Variants in ARHGAP44 observed in about 807,000 individuals in gnomAD.
ARHGAP44 encodes rho GTPase-activating protein 44.
ARHGAP44 carries 43 observed loss-of-function variants against 106.8 expected under a neutral mutation model. The ratio of observed to expected loss-of-function variants is 0.40; its 90% CI spans 0.32 to 0.52. ARHGAP44 has a LOEUF of 0.52. ARHGAP44 is among the 20% of genes least tolerant of loss of function. The probability of loss-of-function intolerance (pLI) is 0.48; values close to 1 mark genes in which losing one functional copy is unlikely to be tolerated. For missense variants in ARHGAP44, 866 were observed against 1,050.5 expected, an observed-to-expected ratio of 0.82 and a Z score of 2.43; for synonymous variants, 439 against 410.3, an observed-to-expected ratio of 1.07 and a Z score of -0.85.
At chr17:12,971,817 C>A (rs574090420) in intron 16 of ARHGAP44, among the ~76,000 whole-genome samples, 1 of 152,116 alleles carries the variant, frequency 6.6e-6, no homozygotes, top group Non-Finnish European at 1.5e-5. Context: ...ATGAGAAATA[C>A]CAGCAATCGT....
At chr17:12,919,866 A>T (rs2038023654) in intron 6 of ARHGAP44, 35 bp downstream of exon 6, 1 of 1,572,326 alleles carries the variant, frequency 6.4e-7, no homozygotes, top group Admixed American at 1.8e-5. Flanking sequence ...TGCTTCTTTG[A>T]AGGGACAGTG....
intron 1 of ARHGAP44, among the ~76,000 whole-genome samples, chr17:12,814,234 TG>T (rs1209526410): frequency 3.6e-5 from 5 of 138,176 alleles, no homozygotes. Context: ...CCCAAACTGG[TG>T]TTTTTTTTTT....
chr17:12,918,721 A>G (rs3785722), intron 5 of ARHGAP44, among the ~76,000 whole-genome samples: 68,259 of 151,916 alleles, frequency 0.45, 17,431 homozygotes, highest in Non-Finnish European at 0.57. Flanking sequence ...TCAGCTGTCC[A>G]TTTTGCCTCA....
intron 1 of ARHGAP44, among the ~76,000 whole-genome samples, chr17:12,891,321 T>A (rs1400423982): frequency 6.6e-6 from 1 of 152,236 alleles, no homozygotes; most frequent in Non-Finnish European, 1.5e-5. Context: ...TACTATGGTC[T>A]CTAATTTATA....
chr17:12,845,604 T>C (rs1046877153), intron 1 of ARHGAP44, among the ~76,000 whole-genome samples: 1 of 152,172 alleles, frequency 6.6e-6, no homozygotes, highest in African/African-American at 2.4e-5. Context: ...CATTTTATTC[T>C]CTGTACCTGT....
At chr17:12,859,369 G>A (rs890994976) in intron 1 of ARHGAP44, among the ~76,000 whole-genome samples, 9 of 152,186 alleles carry the variant, frequency 5.9e-5, no homozygotes, top group Admixed American at 1.3e-4. Context: ...CACCTAGCAT[G>A]TGGTACTTCA....
intron 1 of ARHGAP44, among the ~76,000 whole-genome samples, chr17:12,869,400 A>G (rs1291216177): frequency 6.6e-6 from 1 of 150,950 alleles, no homozygotes; most frequent in Non-Finnish European, 1.5e-5. Context: ...GTGGTATACA[A>G]AATATTCCAA....
intron 1 of ARHGAP44, among the ~76,000 whole-genome samples, chr17:12,804,097 C>T (rs771960728): frequency 1.3e-5 from 2 of 152,146 alleles, no homozygotes; most frequent in East Asian, 1.9e-4. Context: ...CATTTTTCTT[C>T]GCTTTGCCTT....
intron 1 of ARHGAP44, among the ~76,000 whole-genome samples, chr17:12,883,731 A>G (rs1404995098): frequency 2.6e-5 from 4 of 152,136 alleles, no homozygotes; most frequent in Admixed American, 1.3e-4. Context: ...GACCTTTGAT[A>G]TTTGTTGAGA....
At chr17:12,915,476 A>G (rs1469136576) in intron 4 of ARHGAP44, among the ~76,000 whole-genome samples, 1 of 152,144 alleles carries the variant, frequency 6.6e-6, no homozygotes, top group Admixed American at 6.5e-5. Flanking sequence ...ATATCCATGT[A>G]CTAATTACAT....
intron 20 of ARHGAP44, chr17:12,986,335 C>T (rs2039955197): frequency 6.6e-6 from 1 of 152,184 alleles, no homozygotes; most frequent in Non-Finnish European, 1.5e-5. Context: ...CGGGGAAGGT[C>T]ACAGCTGCGG....
At chr17:12,926,817 A>G (rs2038260943) in intron 6 of ARHGAP44, among the ~76,000 whole-genome samples, 3 of 152,030 alleles carry the variant, frequency 2.0e-5, no homozygotes, top group African/African-American at 7.2e-5. Flanking sequence ...AAACACTTTC[A>G]TATTGGTTAG....
chr17:12,803,386 C>T lies in ARHGAP44; in HGVS notation c.53+13495C>T, dbSNP rs371378140. Among the ~76,000 whole-genome samples the T allele has an allele frequency of 1.1e-3, 163 of 152,248 alleles. 1 individual carries two copies. The highest frequency in any genetic ancestry group is 3.7e-3 in the African/African-American group (154 of 41,548). ...CCTCCCTAAATGCTGGAATTGCAGG[C>T]GTGAGCCACCATGCCTAGCCCCAGA... On this transcript the variant is annotated intron_variant, in intron 1 of 20. Coordinates refer to ENST00000379672, the MANE Select transcript of ARHGAP44 (RefSeq NM_014859.6).
chr17:12,897,822 T>G (rs769517288), intron 3 of ARHGAP44, among the ~76,000 whole-genome samples: 4 of 151,588 alleles, frequency 2.6e-5, no homozygotes, highest in South Asian at 2.1e-4. Flanking sequence ...ACCAGAGGCT[T>G]GAATTCGGCC....
At chr17:12,834,326 A>C (rs2035175260) in intron 1 of ARHGAP44, among the ~76,000 whole-genome samples, 1 of 152,172 alleles carries the variant, frequency 6.6e-6, no homozygotes, top group Non-Finnish European at 1.5e-5. Flanking sequence ...ACTCTGCTAA[A>C]AGTATACATT....
chr17:12,793,719 A>T (rs1431546998), intron 1 of ARHGAP44, among the ~76,000 whole-genome samples: 2 of 152,112 alleles, frequency 1.3e-5, no homozygotes, highest in African/African-American at 4.8e-5. Flanking sequence ...CACAAAAAAA[A>T]AAAAAGGAAC....
At chr17:12,896,703 C>T (rs2037217039) in intron 3 of ARHGAP44, among the ~76,000 whole-genome samples, 192 bp downstream of exon 3, 1 of 152,192 alleles carries the variant, frequency 6.6e-6, no homozygotes, top group South Asian at 2.1e-4. Context: ...GCTCTTTAGC[C>T]CAGCCTGAAG....
Position 12,974,730 on chromosome 17 carries a change from T to C in ARHGAP44, c.1763+420T>C, listed in dbSNP as rs559587486. On this transcript the variant is annotated intron_variant, in intron 18 of 20. Coordinates refer to ENST00000379672, the MANE Select transcript of ARHGAP44 (RefSeq NM_014859.6). ...ACTGTTATTTTTTCTTATACACACA[T>C]ACCTGTGATAAAGTTTTAATTTATA... is the stretch of plus-strand genomic sequence containing the variant. Among the ~76,000 whole-genome samples, 7 of 152,340 alleles carry C rather than the reference T, an allele frequency of 4.6e-5. No individual in the cohort carries two copies. The East Asian group carries it at 1.3e-3, about 29-fold the overall frequency.
At chr17:12,861,293 T>C (rs1218180100) in intron 1 of ARHGAP44, among the ~76,000 whole-genome samples, 6 of 152,150 alleles carry the variant, frequency 3.9e-5, no homozygotes, top group African/African-American at 1.2e-4. Context: ...TGCCTGGCCA[T>C]GGTATATTGT....
Sources: allele counts gnomAD v4.1 joint callset (sites outside exome capture counted in the v4.1 genomes callset), GRCh38; gene constraint gnomAD v4.1.1; transcripts MANE v1.5; gene names NCBI Gene and HGNC (gene_info 2026-07-23, HGNC 2026-07-21).